SKI: variants seen among roughly 807,000 people sequenced by gnomAD.
SKI encodes SKI proto-oncogene, also known as ski oncogene.
In SKI, 23 loss-of-function variants were observed where a neutral mutation model predicts 59.3. That is an observed-to-expected ratio of 0.39 (90% CI 0.28 to 0.55). The LOEUF is 0.55. Among genes scored for constraint, SKI ranks in the 20% least tolerant of loss-of-function variants. The pLI is 0.67. For missense variants in SKI, 1,017 were observed against 1,038.9 expected (o/e 0.98, Z 0.29); for synonymous variants, 673 against 488.6 (o/e 1.38, Z -4.98).
Position 2,228,826 on chromosome 1 carries a change from G to T in SKI, c.60G>T (p.Thr20=). 1 of 1,392,150 alleles carries T rather than the reference G, an allele frequency of 7.2e-7. No homozygotes were observed. 86.2% of individuals were successfully genotyped at this position (1,392,150 alleles called of 1,614,324 possible). A position where few individuals can be genotyped will look rare whatever the true frequency, so the allele number is the denominator to read the frequency against. ...CFQPHPGLQK[T]LEQFHLSSMS... is the part of the protein sequence containing the mutation. ...AGCCGCACCCGGGGCTGCAGAAGAC[G>T]CTGGAGCAGTTCCACCTGAGCTCCA... The change falls in exon 1 of 7, where the codon ACG becomes ACT. Residue 20 remains threonine (T), a synonymous_variant. Transcript: ENST00000378536.
intron 1 of SKI, among the ~76,000 whole-genome samples, chr1:2,283,489 A>G (rs79681536): frequency 1.5e-3 from 230 of 152,284 alleles, no homozygotes; most frequent in Middle Eastern, 3.4e-3. Context: ...TCCTGCAACC[A>G]TGTGGGCCGG....
intron 1 of SKI, 99 bp from the exon 2 acceptor site, chr1:2,302,879 G>A: frequency 6.6e-7 from 1 of 1,512,840 alleles, no homozygotes; most frequent in Non-Finnish European, 9.2e-7. Context: ...TGTGGCCGGA[G>A]TGCATGGGGC....
chr1:2,303,137 TG>T lies in SKI; in HGVS notation c.1095+37del. The T allele has an allele frequency of 6.2e-7, 1 of 1,612,296 alleles. No individual in the cohort carries two copies. Among genetic ancestry groups the T allele is most frequent in the Non-Finnish European group, 8.5e-7 (1 of 1,179,754 alleles). ...GGGCCTGTCGGGGTCCTTGGGGTGG[TG>T]GGTACTGGGCCCTTCTCCTTGGGCA... is the stretch of plus-strand genomic sequence containing the variant. On this transcript the variant is annotated intron_variant, in intron 2 of 6. Coordinates refer to ENST00000378536, the MANE Select transcript of SKI (RefSeq NM_003036.4). The surrounding 1 kb of genome is among the most constrained non-coding windows in gnomAD (Gnocchi z 5.6).
chr1:2,241,189 C>A (rs1043076781), intron 1 of SKI, among the ~76,000 whole-genome samples: 5 of 152,218 alleles, frequency 3.3e-5, no homozygotes, highest in African/African-American at 1.2e-4. Context: ...CCAGTGGGAA[C>A]AATTCTCATT....
chr1:2,305,396 C>T (rs1397479536), intron 5 of SKI, among the ~76,000 whole-genome samples: 1 of 152,194 alleles, frequency 6.6e-6, no homozygotes, highest in Non-Finnish European at 1.5e-5. Flanking sequence ...CAACACAACC[C>T]CGTCGGCCCT....
intron 1 of SKI, among the ~76,000 whole-genome samples, chr1:2,276,417 A>G (rs1440815347): frequency 1.3e-5 from 2 of 152,086 alleles, no homozygotes; most frequent in Non-Finnish European, 2.9e-5. Context: ...CAAGCCGGAA[A>G]TGCGTGTCTG....
chr1:2,242,493 A>G (rs1389415343), intron 1 of SKI, among the ~76,000 whole-genome samples: 1 of 152,104 alleles, frequency 6.6e-6, no homozygotes, highest in Non-Finnish European at 1.5e-5. Flanking sequence ...CCTCACTGTA[A>G]TCTCTACCAC....
At chr1:2,285,239 G>T (rs771465285) in intron 1 of SKI, among the ~76,000 whole-genome samples, 41 of 152,194 alleles carry the variant, frequency 2.7e-4, no homozygotes, top group South Asian at 2.1e-4. Flanking sequence ...CAGGCCGGTC[G>T]CAGTGGCTCA....
Position 2,304,396 on chromosome 1 carries a change from TGATGCTGCGGCCCCTGCCGACGCC to T in SKI, c.1579_1602del (p.Asp527_Ala534del). 1 of 1,552,730 alleles carries T rather than the reference TGATGCTGCGGCCCCTGCCGACGCC, an allele frequency of 6.4e-7. No homozygotes were observed. Among genetic ancestry groups the T allele is most frequent in the Non-Finnish European group, 8.7e-7 (1 of 1,148,140 alleles). On this transcript the variant is annotated inframe_deletion, in exon 5 of 7. Transcript: ENST00000378536. ...CGCGTGCCCTGCCCTCGGCCGTCCC[TGATGCTGCGGCCCCTGCCGACGCC>T]CCCAGTGGGCTGGAGGCGGAGCTGG...
At chr1:2,288,443 ATGTTCCGATCCC>A (rs1236241984) in intron 1 of SKI, among the ~76,000 whole-genome samples, 1 of 152,246 alleles carries the variant, frequency 6.6e-6, no homozygotes, top group African/African-American at 2.4e-5. Flanking sequence ...TTAAAGGTAC[ATGTTCCGATCCC>A]TGAATTCGGT....
Position 2,229,159 on chromosome 1 carries a change from G to C in SKI, c.393G>C (p.Leu131=), listed in dbSNP as rs748004059. 2 of 1,611,966 alleles carry C rather than the reference G, an allele frequency of 1.2e-6. No individual in the cohort carries two copies. The highest frequency in any genetic ancestry group is 1.7e-5 in the Admixed American group (1 of 59,992). Residue 131 remains leucine, a synonymous_variant, in exon 1 of 7, where the codon CTG becomes CTC. Coordinates refer to ENST00000378536, the MANE Select transcript of SKI (RefSeq NM_003036.4). This position sits in a 1 kb window ranked among gnomAD's most constrained non-coding sequence, Gnocchi z 6.3. ...TGCCGCAGATTCTCAACTCGGTGCT[G>C]CGCGACTTCTCGCTGCAGCAGATCA... is the stretch of plus-strand genomic sequence containing the variant. ...LCLPQILNSV[L]RDFSLQQINA... is the part of the protein sequence containing the mutation.
rs752864137 is a variant in SKI, at chr1:2,306,166, G to A, written c.1914G>A (p.Lys638=). 5.0e-6 allele frequency: 8 copies of A among 1,592,736 alleles called. No individual in the cohort carries two copies. The highest frequency in any genetic ancestry group is 5.1e-6 in the Non-Finnish European group (6 of 1,170,670). Residue 638 remains lysine (K), a synonymous_variant, in exon 6 of 7, where the codon AAG becomes AAA. Coordinates refer to ENST00000378536, the MANE Select transcript of SKI (RefSeq NM_003036.4). ...KEANESRLRL[K]RELEQARQAR... is the part of the protein sequence containing the mutation. ...CCAACGAGTCACGGCTGCGCCTGAA[G>A]CGGGAGCTGGAGCAGGCGCGGCAGG...
In SKI at chr1:2,229,547, G is replaced by C. The variant is rs374916878; in HGVS notation, c.781G>C (p.Val261Leu). 1 of 1,611,278 alleles carries C rather than the reference G, an allele frequency of 6.2e-7. No individual in the cohort carries two copies. Among genetic ancestry groups the C allele is most frequent in the Admixed American group, 1.7e-5 (1 of 60,002 alleles). ...RLMYPPHKFV[V>L]HSHKALENRT... ...CATGTACCCGCCGCACAAGTTCGTG[G>C]TGCACTCGCACAAGGCCCTGGAGAA... Residue 261 changes from valine to leucine, a missense_variant, in exon 1 of 7, where the codon GTG (valine) becomes CTG (leucine). Physicochemically the swap from Val to Leu is conservative, Grantham distance 32 (BLOSUM62 1). Coordinates refer to ENST00000378536, the MANE Select transcript of SKI (RefSeq NM_003036.4). The surrounding 1 kb of genome is among the most constrained non-coding windows in gnomAD (Gnocchi z 6.3).
At chr1:2,302,046 C>T (rs893289805) in intron 1 of SKI, among the ~76,000 whole-genome samples, 1 of 152,242 alleles carries the variant, frequency 6.6e-6, no homozygotes, top group Non-Finnish European at 1.5e-5. Context: ...CAGGGGTTTC[C>T]AGCCGCAGGG....
chr1:2,241,949 C>CTGTG lies in SKI; in HGVS notation c.969+12233_969+12236dup, dbSNP rs34969427. Reference sequence around the variant, plus strand: ...GGATGGGTCTTCCGTGCATGCCTGTCTGTGTGTGTGTGTGTGTGTGTGCCT... The same window carrying CTGTG: ...GGATGGGTCTTCCGTGCATGCCTGTCTGTGTGTGTGTGTGTGTGTGTGTGTGCCT... On this transcript the variant is annotated intron_variant, in intron 1 of 6. Transcript: ENST00000378536. Among the ~76,000 whole-genome samples, 1,247 of 150,218 alleles carry CTGTG rather than the reference C, an allele frequency of 8.3e-3. 7 individuals carry two copies. Among genetic ancestry groups the CTGTG allele is most frequent in the African/African-American group, 9.9e-3 (407 of 40,968 alleles).
In SKI at chr1:2,258,833, C is replaced by T. The variant is rs1456844316; in HGVS notation, c.969+29098C>T. ...AAGTGCTGGGATTACAGGCGTGAGCCACCGTGCCTGGCGGGAGCTCATGTT... is the reference window on the plus strand; with the variant it reads ...AAGTGCTGGGATTACAGGCGTGAGCTACCGTGCCTGGCGGGAGCTCATGTT... On this transcript the variant is annotated intron_variant, in intron 1 of 6. Transcript: ENST00000378536. 2.0e-5 allele frequency among the ~76,000 whole-genome samples: 3 copies of T among 152,282 alleles called. No individual in the cohort carries two copies. In the East Asian group the frequency reaches 5.8e-4, roughly 29 times the overall value.
intron 1 of SKI, among the ~76,000 whole-genome samples, chr1:2,264,998 G>T (rs972403854): frequency 5.9e-5 from 9 of 152,084 alleles, no homozygotes; most frequent in Non-Finnish European, 1.3e-4. Flanking sequence ...TTTTAGTAGA[G>T]ACGGGGTTTC....
Position 2,308,412 on chromosome 1 carries a change from A to C in SKI, c.*1647A>C, listed in dbSNP as rs867448963. ...CCTTCTAAAGTGCAATGCAAAAGGG[A>C]CATCATGTATATGCAGCGTTTGTTT... is the stretch of plus-strand genomic sequence containing the variant. On this transcript the variant is annotated 3_prime_UTR_variant, in exon 7 of 7. Transcript: ENST00000378536. 1 of 152,228 alleles carries C rather than the reference A, an allele frequency of 6.6e-6. No homozygotes were observed. The highest frequency in any genetic ancestry group is 2.4e-5 in the African/African-American group (1 of 41,450). The allele number at this position is 152,228 out of a possible 1,614,324, so 9.4% of individuals were successfully genotyped here.
intron 5 of SKI, among the ~76,000 whole-genome samples, chr1:2,305,253 A>AG (rs1324650488): frequency 6.6e-6 from 1 of 152,084 alleles, no homozygotes; most frequent in African/African-American, 2.4e-5. Context: ...GACATGACTG[A>AG]GGGAAGTGCG....
Sources: allele counts gnomAD v4.1 joint callset (sites outside exome capture counted in the v4.1 genomes callset), GRCh38; gene constraint gnomAD v4.1.1; non-coding constraint Gnocchi (gnomAD v3.1); transcripts MANE v1.5; gene names NCBI Gene and HGNC (gene_info 2026-07-23, HGNC 2026-07-21).